The following BBOX1 variants were observed in gnomAD, a reference collection of about 807,000 sequenced individuals.
The protein encoded by BBOX1 is gamma-butyrobetaine hydroxylase 1.
BBOX1 carries 35 observed loss-of-function variants against 41.6 expected under a neutral mutation model. The ratio of observed to expected loss-of-function variants is 0.84; its 90% confidence interval spans 0.64 to 1.11. The LOEUF (loss-of-function observed/expected upper bound fraction) is 1.11. Among genes scored for constraint, BBOX1 ranks in the 50% most tolerant of loss-of-function variants. BBOX1 has a pLI of 0.00. For missense variants in BBOX1, 458 were observed against 460.6 expected (o/e 0.99, Z 0.05); for synonymous variants, 163 against 154.7 (o/e 1.05, Z -0.40).
At chr11:27,050,585 T>G (rs1203644381) in intron 2 of BBOX1, among the ~76,000 whole-genome samples, 1 of 152,174 alleles carries the variant, frequency 6.6e-6, no homozygotes, top group African/African-American at 2.4e-5. Flanking sequence ...AATGTAATTC[T>G]AAGTATTTTT....
intron 7 of BBOX1, among the ~76,000 whole-genome samples, chr11:27,125,124 A>G (rs894353709): frequency 1.6e-4 from 25 of 152,318 alleles, no homozygotes; most frequent in Middle Eastern, 3.4e-3. Context: ...GATAGAAAGA[A>G]TATACCTCAG....
chr11:27,043,050 A>T (rs1321402600), intron 2 of BBOX1, among the ~76,000 whole-genome samples: 2 of 151,824 alleles, frequency 1.3e-5, no homozygotes, highest in Non-Finnish European at 2.9e-5. Context: ...TTAGCTACTA[A>T]TTTTTTATTT....
At chr11:27,125,943 T>C in intron 8 of BBOX1, 123 bp downstream of exon 8, 1 of 1,046,524 alleles carries the variant, frequency 9.6e-7, no homozygotes, top group African/African-American at 1.6e-5. Flanking sequence ...AACAGAATCT[T>C]GGTGAGCAAC....
chr11:27,047,970 C>T (rs2133946071), intron 2 of BBOX1, among the ~76,000 whole-genome samples: 1 of 152,158 alleles, frequency 6.6e-6, no homozygotes, highest in East Asian at 1.9e-4. Context: ...TGTTATTTTT[C>T]CTGTTTTATT....
intron 2 of BBOX1, among the ~76,000 whole-genome samples, chr11:27,050,517 TA>T (rs1418057123): frequency 6.6e-6 from 1 of 152,180 alleles, no homozygotes; most frequent in Non-Finnish European, 1.5e-5. Context: ...GTGTCTCATT[TA>T]ATTTTTTTGT....
At chr11:27,080,021 C>A (rs936254443) in intron 4 of BBOX1, among the ~76,000 whole-genome samples, 2 of 152,202 alleles carry the variant, frequency 1.3e-5, no homozygotes, top group Middle Eastern at 3.4e-3. Flanking sequence ...ATTTCCTATT[C>A]CCATCCTGCT....
chr11:27,115,600 C>A, intron 6 of BBOX1, 43 bp downstream of exon 6: 1 of 1,504,110 alleles, frequency 6.6e-7, no homozygotes, highest in Non-Finnish European at 9.1e-7. Context: ...ATGATGATGA[C>A]CAGTATCTTT....
chr11:27,051,743 C>T (rs1851676116), intron 2 of BBOX1, among the ~76,000 whole-genome samples: 1 of 151,738 alleles, frequency 6.6e-6, no homozygotes, highest in South Asian at 2.1e-4. Context: ...TTCTACCTTT[C>T]AAAAAAGTTT....
chr11:27,118,845 T>G (rs948395877), intron 6 of BBOX1, among the ~76,000 whole-genome samples: 1 of 150,772 alleles, frequency 6.6e-6, no homozygotes, highest in Non-Finnish European at 1.5e-5. Flanking sequence ...TGGCAAAATC[T>G]AAAAGGATTT....
In BBOX1 at chr11:27,127,726, C is replaced by T. The variant is rs946319226; in HGVS notation, c.*273C>T. The T allele has an allele frequency of 9.6e-6, 3 of 311,676 alleles. No individual in the cohort carries two copies. Among genetic ancestry groups the T allele is most frequent in the Non-Finnish European group, 1.7e-5 (3 of 172,312 alleles). The allele number at this position is 311,676 out of a possible 1,614,324, so 19.3% of individuals were successfully genotyped here. A position where few individuals can be genotyped will look rare whatever the true frequency, so the allele number is the denominator to read the frequency against. On this transcript the variant is annotated 3_prime_UTR_variant, in exon 9 of 9. Coordinates refer to ENST00000263182, the MANE Select transcript of BBOX1 (RefSeq NM_003986.3). ...CCATATATGAGTATCTCCAGAATGT[C>T]TACAAATAGTTTTTGTAGCAAATGA...
chr11:27,123,800 T>C (rs1355049701), intron 7 of BBOX1, among the ~76,000 whole-genome samples: 1 of 152,172 alleles, frequency 6.6e-6, no homozygotes, highest in African/African-American at 2.4e-5. Flanking sequence ...CTCAGAATTC[T>C]TGATTTATGT....
At chr11:27,114,697 T>C (rs993574238) in intron 5 of BBOX1, among the ~76,000 whole-genome samples, 7 of 146,684 alleles carry the variant, frequency 4.8e-5, no homozygotes, top group Non-Finnish European at 1.1e-4. Flanking sequence ...AATACCCCCA[T>C]GCAAAGAATT....
At chr11:27,066,442 C>G (rs929277083) in intron 4 of BBOX1, 1 of 152,134 alleles carries the variant, frequency 6.6e-6, no homozygotes, top group Admixed American at 6.5e-5. Flanking sequence ...TATATATCAG[C>G]AGATTCGCCA....
intron 2 of BBOX1, among the ~76,000 whole-genome samples, chr11:27,044,584 T>C (rs1851437459): frequency 6.6e-6 from 1 of 152,214 alleles, no homozygotes; most frequent in South Asian, 2.1e-4. Flanking sequence ...GTTTAAGTCT[T>C]TAATCCATCT....
chr11:27,043,440 T>C lies in BBOX1; in HGVS notation c.-39+1962T>C, dbSNP rs183109244. 1.8e-3 allele frequency among the ~76,000 whole-genome samples: 277 copies of C among 152,230 alleles called. 4 individuals are homozygous for C. Among genetic ancestry groups the C allele is most frequent in the Admixed American group, 0.017 (260 of 15,288 alleles). On this transcript the variant is annotated intron_variant, in intron 2 of 8. Transcript: ENST00000263182. ...GCACGTTTGGGGTACATGTGCAGAA[T>C]GTGCAGGTTTGGGGTACACGTGCAG...
intron 8 of BBOX1, among the ~76,000 whole-genome samples, chr11:27,127,033 G>T (rs955807408): frequency 2.0e-5 from 3 of 152,136 alleles, no homozygotes; most frequent in Non-Finnish European, 4.4e-5. Context: ...TTTACACAGA[G>T]ATAATATTTT....
At chr11:27,082,337 C>A (rs1215467927) in intron 4 of BBOX1, among the ~76,000 whole-genome samples, 1 of 152,104 alleles carries the variant, frequency 6.6e-6, no homozygotes, top group Admixed American at 6.6e-5. Context: ...TGTTTGAAAC[C>A]TGTTCCACGG....
intron 4 of BBOX1, among the ~76,000 whole-genome samples, chr11:27,075,893 G>C (rs562764730): frequency 6.6e-6 from 1 of 152,280 alleles, no homozygotes; most frequent in African/African-American, 2.4e-5. Context: ...CTCTTCTCCA[G>C]GACCCTTTGT....
chr11:27,064,853 T>C (rs1857233491), intron 4 of BBOX1, among the ~76,000 whole-genome samples: 1 of 151,548 alleles, frequency 6.6e-6, no homozygotes, highest in Non-Finnish European at 1.5e-5. Flanking sequence ...GGGGCAGGAT[T>C]GGTGGGTCTA....
Sources: allele counts gnomAD v4.1 joint callset (sites outside exome capture counted in the v4.1 genomes callset), GRCh38; gene constraint gnomAD v4.1.1; transcripts MANE v1.5; gene names NCBI Gene and HGNC (gene_info 2026-07-23, HGNC 2026-07-21).